DOCK3: variants seen among roughly 807,000 people sequenced by gnomAD.
The protein encoded by DOCK3 is dedicator of cytokinesis 3.
In DOCK3, 60 loss-of-function variants were observed where a neutral mutation model predicts 265.6. The ratio of observed to expected loss-of-function variants is 0.23; its 90% confidence interval spans 0.18 to 0.28. DOCK3 has a LOEUF of 0.28. DOCK3 is among the 10% of genes least tolerant of loss of function. The probability of loss-of-function intolerance (pLI) is 1.00; values close to 1 mark genes in which losing one functional copy is unlikely to be tolerated. For missense variants in DOCK3, 1,981 were observed against 2,594.3 expected, an observed-to-expected ratio of 0.76 and a Z score of 5.14; for synonymous variants, 881 against 938.0, an observed-to-expected ratio of 0.94 and a Z score of 1.11.
intron 3 of DOCK3, among the ~76,000 whole-genome samples, chr3:50,856,810 C>T (rs2046623439): frequency 6.6e-6 from 1 of 152,056 alleles, no homozygotes; most frequent in African/African-American, 2.4e-5. Flanking sequence ...ATGATGTTGG[C>T]TGTGGGTTTG....
At chr3:51,029,921 T>C (rs2079978636) in intron 5 of DOCK3, among the ~76,000 whole-genome samples, 1 of 151,622 alleles carries the variant, frequency 6.6e-6, no homozygotes, top group Admixed American at 6.6e-5. Flanking sequence ...GGTTCTCTGT[T>C]CCTGAGAAGA....
chr3:51,131,845 G>A (rs180865376), intron 9 of DOCK3, among the ~76,000 whole-genome samples: 3 of 152,320 alleles, frequency 2.0e-5, no homozygotes, highest in African/African-American at 7.2e-5. Context: ...TTGAGTGACT[G>A]TGGTTCCCAC....
intron 9 of DOCK3, among the ~76,000 whole-genome samples, chr3:51,144,440 A>T (rs973298263): frequency 6.6e-6 from 1 of 151,944 alleles, no homozygotes; most frequent in Admixed American, 6.6e-5. Context: ...CACTTTCTTC[A>T]CTTGACCAGT....
At chr3:51,091,231 G>T (rs2082624808) in intron 9 of DOCK3, among the ~76,000 whole-genome samples, 1 of 152,170 alleles carries the variant, frequency 6.6e-6, no homozygotes, top group African/African-American at 2.4e-5. Context: ...CTACAGGCCA[G>T]GGCTGTGTGG....
At chr3:51,200,449 A>AATGAAATGC (rs2088651670) in intron 12 of DOCK3, among the ~76,000 whole-genome samples, 1 of 43,538 alleles carries the variant, frequency 2.3e-5, no homozygotes, top group Non-Finnish European at 4.3e-5. Context: ...AGATGAAATG[A>AATGAAATGC]AGCGAGAAGG....
At chr3:50,902,331 G>A (rs950827989) in intron 4 of DOCK3, among the ~76,000 whole-genome samples, 2 of 152,152 alleles carry the variant, frequency 1.3e-5, no homozygotes, top group Admixed American at 6.6e-5. Flanking sequence ...TTGCATTTAA[G>A]TCTTTAATCC....
chr3:50,877,143 TC>T, intron 3 of DOCK3: 4 of 281,118 alleles, frequency 1.4e-5, no homozygotes, highest in Non-Finnish European at 2.1e-5. Context: ...TACCAGGCAT[TC>T]CCCCTGGGAA....
At chr3:50,751,396 A>G (rs2039797273) in intron 1 of DOCK3, among the ~76,000 whole-genome samples, 1 of 151,950 alleles carries the variant, frequency 6.6e-6, no homozygotes, top group Non-Finnish European at 1.5e-5. Context: ...TGCATCAGGT[A>G]TTTGTCCTAA....
intron 9 of DOCK3, among the ~76,000 whole-genome samples, chr3:51,107,624 C>A (rs929995330): frequency 1.3e-5 from 2 of 151,886 alleles, no homozygotes; most frequent in Non-Finnish European, 2.9e-5. Context: ...TGAAATAAGA[C>A]AGACAAGAAT....
chr3:51,307,822 C>G (rs1201050199), intron 27 of DOCK3, among the ~76,000 whole-genome samples: 2 of 148,624 alleles, frequency 1.3e-5, no homozygotes, highest in Non-Finnish European at 3.0e-5. Flanking sequence ...TAGCCATTCT[C>G]TGGTTTGCCC....
At chr3:50,824,000 A>T (rs746382381) in intron 2 of DOCK3, among the ~76,000 whole-genome samples, 23 of 152,214 alleles carry the variant, frequency 1.5e-4, no homozygotes, top group Non-Finnish European at 2.8e-4. Context: ...CACAGGTTAT[A>T]TGTGACAGAA....
At chr3:51,205,014 T>C (rs1181274214) in intron 12 of DOCK3, among the ~76,000 whole-genome samples, 1 of 145,144 alleles carries the variant, frequency 6.9e-6, no homozygotes, top group African/African-American at 2.6e-5. Context: ...TGGGGACTGT[T>C]GTGGGGTGGG....
intron 3 of DOCK3, among the ~76,000 whole-genome samples, chr3:50,871,796 A>G (rs2047445407): frequency 6.6e-6 from 1 of 152,210 alleles, no homozygotes; most frequent in Non-Finnish European, 1.5e-5. Context: ...ATTCTGCACA[A>G]TGAGTCATTC....
At chr3:50,778,836 A>G (rs2041757090) in intron 2 of DOCK3, 78 bp downstream of exon 2, 1 of 962,020 alleles carries the variant, frequency 1.0e-6, no homozygotes, top group Non-Finnish European at 1.5e-6. Context: ...TGCTAATAAG[A>G]TTATAAGCAA....
At chr3:50,994,146 G>A (rs561694446) in intron 5 of DOCK3, among the ~76,000 whole-genome samples, 11 of 152,322 alleles carry the variant, frequency 7.2e-5, no homozygotes, top group African/African-American at 2.4e-4. Flanking sequence ...CCTGGTCCAG[G>A]AGGATGGCAG....
chr3:50,948,852 T>TC (rs2076514589), intron 5 of DOCK3, among the ~76,000 whole-genome samples: 2 of 151,994 alleles, frequency 1.3e-5, no homozygotes, highest in Non-Finnish European at 2.9e-5. Context: ...AAGCTGGAGG[T>TC]ATTTGTGTAT....
intron 5 of DOCK3, among the ~76,000 whole-genome samples, chr3:51,048,821 C>T (rs2080873978): frequency 6.6e-6 from 1 of 151,938 alleles, no homozygotes; most frequent in Non-Finnish European, 1.5e-5. Flanking sequence ...TGAGATCGTG[C>T]CACTGCACTC....
intron 5 of DOCK3, among the ~76,000 whole-genome samples, chr3:50,973,466 A>G (rs866426624): frequency 0.01 from 1,451 of 138,340 alleles, 23 homozygotes; most frequent in African/African-American, 0.038. Flanking sequence ...AAGGACATGA[A>G]CTCATCATTT....
intron 1 of DOCK3, among the ~76,000 whole-genome samples, chr3:50,707,456 C>A (rs747122064): frequency 4.6e-5 from 7 of 151,950 alleles, no homozygotes; most frequent in Non-Finnish European, 8.8e-5. Flanking sequence ...AAAAAATTAC[C>A]CAGTCCTTGG....
Sources: allele counts gnomAD v4.1 joint callset (sites outside exome capture counted in the v4.1 genomes callset), GRCh38; gene constraint gnomAD v4.1.1; transcripts MANE v1.5; gene names NCBI Gene and HGNC (gene_info 2026-07-23, HGNC 2026-07-21).